Variants in FAM13B observed in about 807,000 individuals in gnomAD.
FAM13B encodes family with sequence similarity 13 member B, also known as protein FAM13B.
FAM13B carries 60 observed loss-of-function variants against 117.3 expected under a neutral mutation model. The observed-to-expected ratio is 0.51, with a 90% CI of 0.42 to 0.63. FAM13B has a LOEUF of 0.63. Among genes scored for constraint, FAM13B ranks in the 30% least tolerant of loss-of-function variants. The pLI is 0.00. For synonymous variants in FAM13B, 332 were observed against 356.1 expected (o/e 0.93, Z 0.76); for missense variants, 972 against 1,091.9 (o/e 0.89, Z 1.55).
At chr5:138,020,958 C>T (rs1370980992) in intron 2 of FAM13B, 73 bp downstream of exon 2, 4 of 995,518 alleles carry the variant, frequency 4.0e-6, no homozygotes, top group Non-Finnish European at 5.2e-6. Flanking sequence ...AATCAAATAG[C>T]AGCTACAGGG....
intron 14 of FAM13B, 24 bp downstream of exon 14, chr5:137,956,453 T>G: frequency 6.9e-7 from 1 of 1,453,642 alleles, no homozygotes; most frequent in Non-Finnish European, 9.3e-7. Context: ...GCAAAAAAAC[T>G]AAACTATGGT....
intron 10 of FAM13B, among the ~76,000 whole-genome samples, chr5:137,975,785 C>G (rs1347386666): frequency 6.6e-6 from 1 of 152,024 alleles, no homozygotes; most frequent in African/African-American, 2.4e-5. Context: ...TCACTCCCAA[C>G]CCCCTCTATG....
intron 13 of FAM13B, among the ~76,000 whole-genome samples, chr5:137,957,945 T>A (rs1767068575): frequency 6.6e-6 from 1 of 152,224 alleles, no homozygotes; most frequent in South Asian, 2.1e-4. Context: ...ACAGAGAAGG[T>A]CTATCCTCTT....
chr5:137,964,670 A>T (rs548878508), intron 10 of FAM13B, among the ~76,000 whole-genome samples: 1 of 152,176 alleles, frequency 6.6e-6, no homozygotes, highest in Non-Finnish European at 1.5e-5. Flanking sequence ...GCAGTGAGCC[A>T]AGATTGCACC....
intron 18 of FAM13B, 167 bp from the exon 19 acceptor site, chr5:137,946,478 C>A (rs1345606568): frequency 1.9e-6 from 1 of 529,164 alleles, no homozygotes; most frequent in African/African-American, 2.0e-5. Context: ...GATTTGCAGG[C>A]AAAATTTTCA....
At chr5:137,945,240 G>A (rs1447186179) in intron 20 of FAM13B, among the ~76,000 whole-genome samples, 1 of 152,182 alleles carries the variant, frequency 6.6e-6, no homozygotes, top group Non-Finnish European at 1.5e-5. Context: ...AGGAAATAAT[G>A]TAAAATGGGC....
intron 4 of FAM13B, among the ~76,000 whole-genome samples, chr5:138,015,629 G>A (rs866623142): frequency 6.6e-6 from 1 of 152,180 alleles, no homozygotes. Context: ...CTTGAACCTG[G>A]GAGGCAGAGG....
At chr5:137,970,620 T>C (rs1412196846) in intron 10 of FAM13B, among the ~76,000 whole-genome samples, 1 of 151,998 alleles carries the variant, frequency 6.6e-6, no homozygotes, top group Non-Finnish European at 1.5e-5. Flanking sequence ...ATATTAACTT[T>C]AAATGTAAAT....
chr5:137,990,122 G>A (rs971834640), intron 7 of FAM13B, among the ~76,000 whole-genome samples: 6 of 152,062 alleles, frequency 3.9e-5, no homozygotes, highest in Admixed American at 2.0e-4. Flanking sequence ...TTTACATTTC[G>A]GTGATCAGCT....
intron 13 of FAM13B, 96 bp downstream of exon 13, chr5:137,959,520 G>A (rs1050911415): frequency 1.6e-6 from 2 of 1,274,062 alleles, no homozygotes; most frequent in Non-Finnish European, 2.2e-6. Flanking sequence ...AGATGAATAA[G>A]GTTATCCAGA....
intron 2 of FAM13B, 33 bp downstream of exon 2, chr5:138,020,998 G>A (rs1786586292): frequency 8.2e-7 from 1 of 1,222,962 alleles, no homozygotes; most frequent in Non-Finnish European, 1.0e-6. Flanking sequence ...TGGATTTATA[G>A]AGCACGAGAT....
intron 6 of FAM13B, among the ~76,000 whole-genome samples, chr5:138,009,053 T>C (rs565012186): frequency 4.6e-4 from 70 of 152,188 alleles, no homozygotes; most frequent in African/African-American, 1.6e-3. Flanking sequence ...TGAAACAGAA[T>C]TGCCTGAACC....
chr5:137,961,331 AC>A (rs1768053375), intron 11 of FAM13B, among the ~76,000 whole-genome samples: 1 of 152,104 alleles, frequency 6.6e-6, no homozygotes, highest in Non-Finnish European at 1.5e-5. Context: ...AACAACAACA[AC>A]AACAACAACA....
chr5:138,010,979 AAT>A (rs1561526568), intron 6 of FAM13B, 27 bp downstream of exon 6: 1 of 1,470,834 alleles, frequency 6.8e-7, no homozygotes, highest in South Asian at 1.4e-5. Flanking sequence ...AAAAAAAAAA[AAT>A]TATCCCTCCA....
intron 13 of FAM13B, among the ~76,000 whole-genome samples, chr5:137,958,991 A>T (rs565930430): frequency 1.3e-5 from 2 of 152,336 alleles, no homozygotes; most frequent in East Asian, 3.8e-4. Context: ...CTCTTGAAGT[A>T]AAAAGAGAAC....
At chr5:138,040,242 G>A (rs529384881) in intron 1 of FAM13B, among the ~76,000 whole-genome samples, 18 of 112,422 alleles carry the variant, frequency 1.6e-4, no homozygotes, top group African/African-American at 6.4e-4. Flanking sequence ...TCAGCCTGGC[G>A]ACAGAGCAAG....
chr5:137,958,475 C>T (rs115931924), intron 13 of FAM13B, among the ~76,000 whole-genome samples: 5 of 152,134 alleles, frequency 3.3e-5, no homozygotes, highest in African/African-American at 1.2e-4. Context: ...CCCACACACA[C>T]TCCATTTGCG....
chr5:137,953,848 C>G (rs890630769), intron 15 of FAM13B, among the ~76,000 whole-genome samples: 2 of 152,164 alleles, frequency 1.3e-5, no homozygotes, highest in African/African-American at 2.4e-5. Flanking sequence ...CTTTACAGAG[C>G]TCTGTATTTC....
In FAM13B at chr5:137,940,003, G is replaced by A; in HGVS notation, c.*222C>T. Reference sequence around the variant, plus strand: ...AGTAAACCATATGTTTGCTAAAGGTGGAGAGGACAGTCTGTGGTTAATATG... The same window carrying A: ...AGTAAACCATATGTTTGCTAAAGGTAGAGAGGACAGTCTGTGGTTAATATG... On this transcript the variant is annotated 3_prime_UTR_variant, in exon 24 of 24. Coordinates refer to ENST00000689681, the MANE Select transcript of FAM13B (RefSeq NM_001385994.1). 6.3e-7 allele frequency: 1 copy of A among 1,598,196 alleles called. No homozygotes were observed. The highest frequency in any genetic ancestry group is 1.1e-5 in the South Asian group (1 of 88,464).
Sources: allele counts gnomAD v4.1 joint callset (sites outside exome capture counted in the v4.1 genomes callset), GRCh38; gene constraint gnomAD v4.1.1; transcripts MANE v1.5; gene names NCBI Gene and HGNC (gene_info 2026-07-23, HGNC 2026-07-21).